The following SLC4A7 variants were observed in gnomAD, a reference collection of about 807,000 sequenced individuals.
SLC4A7 encodes solute carrier family 4 member 7.
Under a neutral mutation model 137.6 loss-of-function variants are expected in SLC4A7, and 51 were observed. The observed-to-expected ratio is 0.37, with a 90% CI of 0.30 to 0.47. The LOEUF (loss-of-function observed/expected upper bound fraction) is 0.47. Ranked by LOEUF, SLC4A7 falls within the 20% of genes least tolerant of loss-of-function variation. The pLI is 1.00. For missense variants in SLC4A7, 1,247 were observed against 1,525.4 expected (o/e 0.82, Z 3.04); for synonymous variants, 542 against 518.6 (o/e 1.05, Z -0.61).
chr3:27,467,720 C>T (rs1427178452), intron 1 of SLC4A7, among the ~76,000 whole-genome samples: 2 of 152,128 alleles, frequency 1.3e-5, no homozygotes. Context: ...GTATTTAACA[C>T]CACTAAAATT....
rs551171195 is a variant in SLC4A7, at chr3:27,484,222, C to A, written c.-96G>T. ...CCTGCCGCCGCCGCCGAGCCCCCGG[C>A]GCGCGAGGACAAACGTGGGTGCGTC... On this transcript the variant is annotated 5_prime_UTR_variant, in exon 1 of 26. Coordinates refer to ENST00000454389, the MANE Select transcript of SLC4A7 (RefSeq NM_001321103.2). 27 of 1,054,480 alleles carry A rather than the reference C, an allele frequency of 2.6e-5. No homozygotes were observed. The highest frequency in any genetic ancestry group is 3.3e-5 in the African/African-American group (2 of 60,028). The allele number at this position is 1,054,480 out of a possible 1,614,324, so 65.3% of individuals were successfully genotyped here.
chr3:27,388,534 C>G (rs2051206304), intron 22 of SLC4A7, among the ~76,000 whole-genome samples: 1 of 152,132 alleles, frequency 6.6e-6, no homozygotes, highest in Non-Finnish European at 1.5e-5. Context: ...CTGGGCTATA[C>G]ACAAATTTTA....
intron 1 of SLC4A7, among the ~76,000 whole-genome samples, chr3:27,461,106 T>A (rs2058672136): frequency 6.6e-6 from 1 of 152,160 alleles, no homozygotes; most frequent in East Asian, 1.9e-4. Flanking sequence ...TCCATCAATT[T>A]GAATGTGGAG....
chr3:27,431,457 T>C lies in SLC4A7; in HGVS notation c.991A>G (p.Arg331Gly). The C allele has an allele frequency of 6.2e-7, 1 of 1,614,088 alleles. No homozygotes were observed. Among genetic ancestry groups the C allele is most frequent in the Non-Finnish European group, 8.5e-7 (1 of 1,179,962 alleles). Residue 331 changes from arginine (R) to glycine (G), a missense_variant, in exon 7 of 26, where the codon AGA becomes GGA. Arg to Gly is a moderately radical substitution (Grantham distance 125). This residue lies in a region of SLC4A7 where 223 missense variants were observed against 203.6 expected (regional missense o/e 1.10). Coordinates refer to ENST00000454389, the MANE Select transcript of SLC4A7 (RefSeq NM_001321103.2). ...SSPSISRLTS[R>G]SSQESQRQAP... ...TGACGCTGACTCTCTTGGGAACTTC[T>C]GGAGGTCAGGCGGCTGATGCTAGGG...
intron 17 of SLC4A7, 145 bp from the exon 18 acceptor site, chr3:27,397,942 T>A: frequency 1.6e-6 from 1 of 621,784 alleles, no homozygotes; most frequent in Non-Finnish European, 2.7e-6. Flanking sequence ...GAAACACATT[T>A]ATATTTAATT....
rs556737792 is a variant in SLC4A7 at position 27,446,399 on chromosome 3, G to C, written c.289+2252C>G. Among the ~76,000 whole-genome samples the C allele has an allele frequency of 1.3e-5, 2 of 152,024 alleles. 1 individual carries two copies. Among genetic ancestry groups the C allele is most frequent in the South Asian group, 4.1e-4 (2 of 4,824 alleles). ...ATTGGTAGTTAAGACAAAAACTTCA[G>C]GGACATAAATCTTTTCTAGGAATAG... On this transcript the variant is annotated intron_variant, in intron 3 of 25. Coordinates refer to ENST00000454389, the MANE Select transcript of SLC4A7 (RefSeq NM_001321103.2).
chr3:27,425,565 ACT>A lies in SLC4A7; in HGVS notation c.1151-1415_1151-1414del, dbSNP rs553562303. Among the ~76,000 whole-genome samples the A allele has an allele frequency of 3.6e-3, 509 of 143,330 alleles. 1 individual carries two copies. Among genetic ancestry groups the A allele is most frequent in the Non-Finnish European group, 4.9e-3 (325 of 66,610 alleles). 94.0% of individuals were successfully genotyped at this position (143,330 alleles called of 152,430 possible). ...GTGGAGCATGCCTGTAATCCCAGCT[ACT>A]CGGGAGGCTGAGGCAGGAGAATTGC... On this transcript the variant is annotated intron_variant, in intron 7 of 25. Coordinates refer to ENST00000454389, the MANE Select transcript of SLC4A7 (RefSeq NM_001321103.2).
At chr3:27,475,188 A>AT (rs1381412353) in intron 1 of SLC4A7, among the ~76,000 whole-genome samples, 1 of 151,630 alleles carries the variant, frequency 6.6e-6, no homozygotes, top group East Asian at 1.9e-4. Flanking sequence ...GACAGTCAAG[A>AT]TTTTTTTCTC....
intron 1 of SLC4A7, chr3:27,462,906 A>G (rs2058772166): frequency 6.6e-6 from 1 of 152,312 alleles, no homozygotes; most frequent in African/African-American, 2.4e-5. Flanking sequence ...GCAAAAAAGA[A>G]ATGGCTGATT....
In SLC4A7 at chr3:27,403,150, C is replaced by A; in HGVS notation, c.2310G>T (p.Leu770=). 6.2e-7 allele frequency: 1 copy of A among 1,604,600 alleles called. No individual in the cohort carries two copies. The highest frequency in any genetic ancestry group is 1.1e-5 in the South Asian group (1 of 88,756). The change falls in exon 15 of 26, where the codon CTG becomes CTT. Residue 770 remains leucine, a synonymous_variant. Coordinates refer to ENST00000454389, the MANE Select transcript of SLC4A7 (RefSeq NM_001321103.2). ...AFNMHNNLDK[L]TSYSCVCTEP... ...AGAGAAATACTTACGAGTAGCTGGTCAGTTTATCTAAGTTGTTGTGCATAT... is the reference window on the plus strand; with the variant it reads ...AGAGAAATACTTACGAGTAGCTGGTAAGTTTATCTAAGTTGTTGTGCATAT...
At chr3:27,459,234 A>G (rs557997651) in intron 1 of SLC4A7, among the ~76,000 whole-genome samples, 107 of 152,266 alleles carry the variant, frequency 7.0e-4, no homozygotes, top group African/African-American at 2.5e-3. Context: ...AGACTTTTTA[A>G]TTTCCCAAAT....
At chr3:27,472,168 T>C (rs1277799733) in intron 1 of SLC4A7, among the ~76,000 whole-genome samples, 1 of 152,208 alleles carries the variant, frequency 6.6e-6, no homozygotes, top group Non-Finnish European at 1.5e-5. Flanking sequence ...AATACTCATT[T>C]ATTGACCTTT....
At chr3:27,425,950 C>T (rs1299687997) in intron 7 of SLC4A7, among the ~76,000 whole-genome samples, 1 of 152,130 alleles carries the variant, frequency 6.6e-6, no homozygotes, top group Non-Finnish European at 1.5e-5. Flanking sequence ...CAGTTAAAAT[C>T]TGTTTTGTGG....
intron 22 of SLC4A7, among the ~76,000 whole-genome samples, chr3:27,389,603 T>C (rs1292382972): frequency 6.6e-6 from 1 of 152,190 alleles, no homozygotes; most frequent in African/African-American, 2.4e-5. Flanking sequence ...ATTTTAATAA[T>C]GAACCATGTT....
chr3:27,445,607 A>G (rs1188733430), intron 3 of SLC4A7, among the ~76,000 whole-genome samples: 1 of 151,762 alleles, frequency 6.6e-6, no homozygotes, highest in Non-Finnish European at 1.5e-5. Flanking sequence ...AACGTACAAC[A>G]TGATGACTAT....
intron 1 of SLC4A7, among the ~76,000 whole-genome samples, chr3:27,461,845 C>T (rs1438862813): frequency 1.3e-5 from 2 of 151,786 alleles, no homozygotes; most frequent in Non-Finnish European, 2.9e-5. Flanking sequence ...TCCTGTAGTC[C>T]TGGCTACACG....
intron 1 of SLC4A7, among the ~76,000 whole-genome samples, chr3:27,483,488 C>T (rs143124582): frequency 3.9e-4 from 59 of 152,306 alleles, no homozygotes; most frequent in African/African-American, 1.4e-3. Context: ...CGGGAAGGAG[C>T]GCGGCCAGTC....
chr3:27,414,521 T>C (rs1041759306), intron 11 of SLC4A7, among the ~76,000 whole-genome samples: 2 of 151,934 alleles, frequency 1.3e-5, no homozygotes, highest in Non-Finnish European at 2.9e-5. Context: ...TGGAAATACA[T>C]CATAATTTCT....
intron 1 of SLC4A7, among the ~76,000 whole-genome samples, chr3:27,480,644 G>A (rs1319446800): frequency 6.6e-6 from 1 of 152,000 alleles, no homozygotes; most frequent in Admixed American, 6.6e-5. Context: ...TATTCCTAGG[G>A]TGCCACATCA....
Sources: gnomAD v4.1 joint callset for allele counts (sites outside exome capture counted in the v4.1 genomes callset) on GRCh38, gnomAD v4.1.1 for gene constraint, gnomAD v4.1.1 regional missense constraint, MANE v1.5 for transcripts, NCBI Gene and HGNC (gene_info 2026-07-23, HGNC 2026-07-21) for gene names.